Variants in BCAR3 observed in about 807,000 individuals in gnomAD.
BCAR3 encodes breast cancer anti-estrogen resistance protein 3.
A neutral mutation model predicts 80.1 loss-of-function variants in BCAR3; 37 were observed. The observed-to-expected ratio is 0.46, with a 90% CI of 0.36 to 0.61. The LOEUF (loss-of-function observed/expected upper bound fraction) is 0.61. Among genes scored for constraint, BCAR3 ranks in the 20% least tolerant of loss-of-function variants. The pLI is 0.00. For missense variants in BCAR3, 978 were observed against 1,068.2 expected (o/e 0.92, Z 1.18); for synonymous variants, 389 against 418.9 (o/e 0.93, Z 0.87).
intron 2 of BCAR3, among the ~76,000 whole-genome samples, chr1:93,713,758 C>T (rs1388024799): frequency 6.6e-6 from 1 of 152,066 alleles, no homozygotes; most frequent in Non-Finnish European, 1.5e-5. Flanking sequence ...GACTTTCACA[C>T]AAAGCAATCT....
At chr1:93,651,729 G>C (rs1012066235) in intron 2 of BCAR3, among the ~76,000 whole-genome samples, 3 of 152,136 alleles carry the variant, frequency 2.0e-5, no homozygotes, top group African/African-American at 4.8e-5. Context: ...TCAACACTGA[G>C]GCTACAAAAA....
At chr1:93,761,936 T>C (rs756076727) in intron 2 of BCAR3, among the ~76,000 whole-genome samples, 27 of 152,178 alleles carry the variant, frequency 1.8e-4, no homozygotes, top group South Asian at 1.0e-3. Flanking sequence ...GGTACCATAC[T>C]GCTGTCTGGG....
chr1:93,801,722 G>A (rs1052802213), intron 2 of BCAR3, among the ~76,000 whole-genome samples: 1 of 152,230 alleles, frequency 6.6e-6, no homozygotes, highest in Admixed American at 6.5e-5. Context: ...CGACTTGGGA[G>A]GCCAATGCAG....
At chr1:93,816,192 T>C (rs1654009887) in intron 2 of BCAR3, among the ~76,000 whole-genome samples, 1 of 152,104 alleles carries the variant, frequency 6.6e-6, no homozygotes, top group Admixed American at 6.5e-5. Flanking sequence ...ATAAAATAAA[T>C]TAGCTGCACA....
intron 3 of BCAR3, among the ~76,000 whole-genome samples, chr1:93,703,574 A>G (rs543638409): frequency 1.4e-4 from 2 of 14,002 alleles, no homozygotes; most frequent in Non-Finnish European, 0.022. Flanking sequence ...CTTAAAAAGA[A>G]AAAAAAAAAA....
chr1:93,787,034 T>C (rs1652973406), intron 2 of BCAR3, among the ~76,000 whole-genome samples: 1 of 152,232 alleles, frequency 6.6e-6, no homozygotes, highest in South Asian at 2.1e-4. Flanking sequence ...GAATCACTGA[T>C]TGTTTCTAAG....
intron 3 of BCAR3, among the ~76,000 whole-genome samples, chr1:93,695,794 C>A (rs188791896): frequency 1.3e-5 from 2 of 152,298 alleles, no homozygotes; most frequent in East Asian, 3.9e-4. Context: ...TGTTACTTGG[C>A]TTTTCTGCTA....
At chr1:93,776,248 T>C (rs1571118948) in intron 2 of BCAR3, among the ~76,000 whole-genome samples, 1 of 152,254 alleles carries the variant, frequency 6.6e-6, no homozygotes, top group East Asian at 1.9e-4. Flanking sequence ...GGATAGAAAA[T>C]GTCCGCATAT....
intron 2 of BCAR3, among the ~76,000 whole-genome samples, chr1:93,730,285 C>T (rs901476264): frequency 2.6e-5 from 4 of 152,154 alleles, no homozygotes; most frequent in East Asian, 1.9e-4. Context: ...TCCCCTTACC[C>T]GAGCTCTCTG....
intron 2 of BCAR3, among the ~76,000 whole-genome samples, chr1:93,661,910 T>C (rs1647680670): frequency 3.9e-5 from 6 of 152,250 alleles, no homozygotes; most frequent in Admixed American, 3.9e-4. Flanking sequence ...AACATACCCA[T>C]TGATCTTATT....
At chr1:93,631,577 G>A (rs765165496) in intron 3 of BCAR3, among the ~76,000 whole-genome samples, 3 of 152,134 alleles carry the variant, frequency 2.0e-5, no homozygotes, top group Non-Finnish European at 1.5e-5. Context: ...CACCAGATTC[G>A]AAGTCCAATA....
chr1:93,575,124 G>A (rs908247176), intron 8 of BCAR3, among the ~76,000 whole-genome samples: 1 of 151,914 alleles, frequency 6.6e-6, no homozygotes, highest in Non-Finnish European at 1.5e-5. Flanking sequence ...CACATTTCAG[G>A]TGCCCGAGAG....
chr1:93,613,530 CAAAG>C (rs1292790070), intron 3 of BCAR3, among the ~76,000 whole-genome samples: 1 of 152,056 alleles, frequency 6.6e-6, no homozygotes, highest in Non-Finnish European at 1.5e-5. Context: ...GGAAGAGAGA[CAAAG>C]AGAGAAAGAA....
At chr1:93,717,888 T>C (rs1650246222) in intron 2 of BCAR3, among the ~76,000 whole-genome samples, 2 of 152,132 alleles carry the variant, frequency 1.3e-5, no homozygotes, top group South Asian at 2.1e-4. Context: ...GGGTCTAAGC[T>C]TAATATTAAA....
intron 3 of BCAR3, among the ~76,000 whole-genome samples, chr1:93,608,112 A>T (rs1000796412): frequency 6.6e-6 from 1 of 152,228 alleles, no homozygotes; most frequent in African/African-American, 2.4e-5. Flanking sequence ...AAGCACACAC[A>T]TATCTAGAGT....
intron 3 of BCAR3, among the ~76,000 whole-genome samples, chr1:93,616,469 C>G (rs554367945): frequency 3.0e-4 from 46 of 152,312 alleles, no homozygotes; most frequent in African/African-American, 1.1e-3. Flanking sequence ...CTCCCATTCT[C>G]CCCACAATGA....
upstream of BCAR3, chr1:93,681,909 T>C (rs1648798471): frequency 6.6e-6 from 1 of 152,318 alleles, no homozygotes; most frequent in Non-Finnish European, 1.5e-5. Flanking sequence ...GCGAGCCGAT[T>C]CGCGCTGCCT....
At chr1:93,817,048 G>C (rs1045282908) in intron 2 of BCAR3, among the ~76,000 whole-genome samples, 1 of 152,184 alleles carries the variant, frequency 6.6e-6, no homozygotes, top group East Asian at 1.9e-4. Context: ...TTCCTGGATG[G>C]TTCCGCAATA....
chr1:93,581,232 G>C (rs1239481265), intron 7 of BCAR3, among the ~76,000 whole-genome samples: 6 of 151,994 alleles, frequency 3.9e-5, no homozygotes, highest in South Asian at 2.1e-4. Context: ...GTCAATGAAA[G>C]GTTCAGGGTT....
Sources: gnomAD v4.1 joint callset for allele counts (sites outside exome capture counted in the v4.1 genomes callset) on GRCh38, gnomAD v4.1.1 for gene constraint, MANE v1.5 for transcripts, NCBI Gene and HGNC (gene_info 2026-07-23, HGNC 2026-07-21) for gene names.